BMPER: variants seen among roughly 807,000 people sequenced by gnomAD.
The protein encoded by BMPER is BMP-binding endothelial regulator protein.
BMPER carries 45 observed loss-of-function variants against 87.3 expected under a neutral mutation model. That is an observed-to-expected ratio of 0.52 (90% confidence interval 0.41 to 0.66). The LOEUF (loss-of-function observed/expected upper bound fraction) is 0.66, where lower values mean the gene tolerates loss of function less well. BMPER is among the 30% of genes least tolerant of loss of function. BMPER has a pLI of 0.00. For synonymous variants in BMPER, 326 were observed against 316.2 expected, an observed-to-expected ratio of 1.03 and a Z score of -0.33; for missense variants, 784 against 867.5, an observed-to-expected ratio of 0.90 and a Z score of 1.21.
intron 2 of BMPER, among the ~76,000 whole-genome samples, chr7:33,909,165 C>T (rs1473884972): frequency 2.6e-5 from 4 of 152,138 alleles, no homozygotes; most frequent in Non-Finnish European, 5.9e-5. Flanking sequence ...TCACAAAACT[C>T]CTTTGAGGGC....
At chr7:34,016,867 T>G (rs9791668) in intron 6 of BMPER, among the ~76,000 whole-genome samples, 133,104 of 151,858 alleles carry the variant, frequency 0.88, 58,531 homozygotes, top group East Asian at 0.94. Context: ...TTGTAAACTT[T>G]GAATTTTCAG....
intron 6 of BMPER, among the ~76,000 whole-genome samples, chr7:34,001,693 T>C (rs1301944462): frequency 1.3e-5 from 2 of 151,768 alleles, no homozygotes; most frequent in Non-Finnish European, 3.0e-5. Context: ...ATTCTAGTCT[T>C]CATCATTTTC....
At chr7:33,919,923 A>ATATCTATCTATCTATCTATCTATCTATC (rs61007454) in intron 2 of BMPER, among the ~76,000 whole-genome samples, 6 of 150,712 alleles carry the variant, frequency 4.0e-5, no homozygotes, top group East Asian at 2.0e-4. Context: ...ATCTGTGTAC[A>ATATCTATCTATCTATCTATCTATCTATC]TATCTATCTA....
chr7:34,065,199 A>ACTCTCTCTCTCTCTCT lies in BMPER; in HGVS notation c.1078+3155_1078+3156insTCTCTCTCTCTCTCTC, dbSNP rs372015069. Among the ~76,000 whole-genome samples the ACTCTCTCTCTCTCTCT allele has an allele frequency of 2.3e-3, 213 of 94,042 alleles. 2 individuals carry two copies. The highest frequency in any genetic ancestry group is 6.1e-3 in the Middle Eastern group (1 of 164). The allele number at this position is 94,042 out of a possible 152,430, so 61.7% of individuals were successfully genotyped here. On this transcript the variant is annotated intron_variant, in intron 11 of 14. Transcript: ENST00000649409. Reference sequence around the variant, plus strand: ...CTCTCGGACACACACACACATACACACTCACTCTCTCTCTCTCTCTCTCTC... The same window carrying ACTCTCTCTCTCTCTCT: ...CTCTCGGACACACACACACATACACACTCTCTCTCTCTCTCTCTCACTCTCTCTCTCTCTCTCTCTC...
chr7:33,912,342 C>T (rs1392265152), intron 2 of BMPER, among the ~76,000 whole-genome samples: 1 of 152,134 alleles, frequency 6.6e-6, no homozygotes, highest in Non-Finnish European at 1.5e-5. Context: ...GGAAGGCTCT[C>T]GACCCCTTTC....
At chr7:33,919,170 T>C (rs1323317274) in intron 2 of BMPER, among the ~76,000 whole-genome samples, 1 of 152,226 alleles carries the variant, frequency 6.6e-6, no homozygotes, top group Non-Finnish European at 1.5e-5. Context: ...TGGGTCATGT[T>C]ACAGAAATCT....
intron 13 of BMPER, among the ~76,000 whole-genome samples, chr7:34,130,690 G>A (rs191643576): frequency 2.0e-5 from 3 of 152,332 alleles, no homozygotes; most frequent in East Asian, 1.9e-4. Context: ...CCATGGGGGT[G>A]TAGTTGCAGG....
At chr7:34,151,432 A>G (rs1338009617) in intron 14 of BMPER, among the ~76,000 whole-genome samples, 2 of 152,198 alleles carry the variant, frequency 1.3e-5, no homozygotes, top group African/African-American at 4.8e-5. Context: ...TAGTATGTGT[A>G]AAGAAGAAAT....
intron 3 of BMPER, among the ~76,000 whole-genome samples, chr7:33,938,261 T>C (rs1413715060): frequency 6.6e-6 from 1 of 152,090 alleles, no homozygotes; most frequent in African/African-American, 2.4e-5. Context: ...CCCTGCCGAG[T>C]CAGAATCCAA....
Position 34,154,544 on chromosome 7 carries a change from G to A in BMPER, c.*1271G>A, listed in dbSNP as rs375001563. ...CCTGTGTTATACTTTACAATTAGTT[G>A]TATCAACTTCAGATTCATTAAATTT... On this transcript the variant is annotated 3_prime_UTR_variant, in exon 15 of 15. Transcript: ENST00000649409. The A allele has an allele frequency of 3.3e-5, 5 of 152,134 alleles. No individual in the cohort carries two copies. Among genetic ancestry groups the A allele is most frequent in the African/African-American group, 1.2e-4 (5 of 41,414 alleles). 9.4% of individuals were successfully genotyped at this position (152,134 alleles called of 1,614,324 possible).
chr7:34,024,991 G>GT (rs1266221160), intron 6 of BMPER, among the ~76,000 whole-genome samples: 1 of 151,998 alleles, frequency 6.6e-6, no homozygotes, highest in Non-Finnish European at 1.5e-5. Flanking sequence ...AGGTAATACA[G>GT]TTTTCAGAAT....
At chr7:34,129,780 C>T (rs1309144490) in intron 13 of BMPER, among the ~76,000 whole-genome samples, 1 of 152,150 alleles carries the variant, frequency 6.6e-6, no homozygotes, top group East Asian at 1.9e-4. Flanking sequence ...ACCTCATTCT[C>T]TAGTGGCTTT....
At chr7:34,139,888 C>G (rs1384419754) in intron 13 of BMPER, among the ~76,000 whole-genome samples, 2 of 152,060 alleles carry the variant, frequency 1.3e-5, no homozygotes, top group Non-Finnish European at 2.9e-5. Flanking sequence ...ATTTAAATAG[C>G]ATTGTGATGA....
intron 3 of BMPER, 77 bp from the exon 4 acceptor site, chr7:33,966,402 C>T (rs1348063343): frequency 1.6e-6 from 2 of 1,284,412 alleles, no homozygotes; most frequent in South Asian, 1.2e-5. Context: ...GAGAACATAA[C>T]TTATTTTGCT....
intron 3 of BMPER, among the ~76,000 whole-genome samples, chr7:33,949,437 A>G (rs554955281): frequency 2.0e-5 from 3 of 152,198 alleles, no homozygotes; most frequent in African/African-American, 2.4e-5. Flanking sequence ...CTCTGTGTGC[A>G]TGTTTCATTT....
In BMPER at chr7:34,059,201, C is replaced by T. The variant is rs575619178; in HGVS notation, c.1032+1038C>T. 4.6e-5 allele frequency among the ~76,000 whole-genome samples: 7 copies of T among 152,246 alleles called. No homozygotes were observed. In the South Asian group the frequency reaches 1.2e-3, roughly 27 times the overall value. ...ATTATGCCAGTCCTCCGGGAACCCT[C>T]GCTGCTAATGAACTCTTGCAGCACA... On this transcript the variant is annotated intron_variant, in intron 10 of 14. Coordinates refer to ENST00000649409, the MANE Select transcript of BMPER (RefSeq NM_001365308.1).
intron 6 of BMPER, among the ~76,000 whole-genome samples, chr7:34,024,547 T>C (rs575200089): frequency 2.0e-5 from 3 of 149,710 alleles, no homozygotes; most frequent in South Asian, 4.3e-4. Flanking sequence ...CTGTTCCTCA[T>C]AGGTGACCAA....
At chr7:33,972,480 G>T (rs1276136746) in intron 5 of BMPER, among the ~76,000 whole-genome samples, 1 of 152,080 alleles carries the variant, frequency 6.6e-6, no homozygotes, top group Non-Finnish European at 1.5e-5. Context: ...GAAGGAAAGG[G>T]CTGAACTCCA....
intron 6 of BMPER, among the ~76,000 whole-genome samples, chr7:34,011,608 A>AAAAAAAGAAAG (rs1786882340): frequency 6.6e-6 from 1 of 150,732 alleles, no homozygotes; most frequent in Non-Finnish European, 1.5e-5. Flanking sequence ...AAAAAAAGAA[A>AAAAAAAGAAAG]AAAAAAGAAA....
Sources: gnomAD v4.1 joint callset for allele counts (sites outside exome capture counted in the v4.1 genomes callset) on GRCh38, gnomAD v4.1.1 for gene constraint, MANE v1.5 for transcripts, NCBI Gene and HGNC (gene_info 2026-07-23, HGNC 2026-07-21) for gene names.